The following MAPK10 variants were observed in gnomAD, a reference collection of about 807,000 sequenced individuals.
The protein encoded by MAPK10 is JNK3 alpha protein kinase.
In MAPK10, 25 loss-of-function variants were observed where a neutral mutation model predicts 59.3. That is an observed-to-expected ratio of 0.42 (90% CI 0.31 to 0.59). MAPK10 has a LOEUF of 0.59. MAPK10 is among the 20% of genes least tolerant of loss of function. The probability of loss-of-function intolerance (pLI) is 0.15; values close to 1 mark genes in which losing one functional copy is unlikely to be tolerated. For missense variants in MAPK10, 351 were observed against 568.9 expected, an observed-to-expected ratio of 0.62 and a Z score of 3.90; for synonymous variants, 190 against 200.5, an observed-to-expected ratio of 0.95 and a Z score of 0.44.
intron 1 of MAPK10, among the ~76,000 whole-genome samples, chr4:86,511,432 G>A (rs1756229164): frequency 6.6e-6 from 1 of 152,208 alleles, no homozygotes; most frequent in East Asian, 1.9e-4. Flanking sequence ...TGGGTGTGGT[G>A]GCACATTCCT....
intron 1 of MAPK10, among the ~76,000 whole-genome samples, chr4:86,379,855 T>TG (rs1374140257): frequency 6.6e-6 from 1 of 152,130 alleles, no homozygotes; most frequent in African/African-American, 2.4e-5. Context: ...CCTCTATATT[T>TG]TTGTGTGTGT....
intron 1 of MAPK10, among the ~76,000 whole-genome samples, chr4:86,505,406 C>A (rs1180750066): frequency 6.6e-6 from 1 of 151,918 alleles, no homozygotes; most frequent in African/African-American, 2.4e-5. Flanking sequence ...AGCCCAGGAG[C>A]TCAAGACCAA....
chr4:86,282,857 A>T (rs917158077), intron 2 of MAPK10, among the ~76,000 whole-genome samples: 2 of 152,158 alleles, frequency 1.3e-5, no homozygotes, highest in African/African-American at 4.8e-5. Context: ...GTCTAGGCAC[A>T]TGCTCCGTGA....
intron 2 of MAPK10, among the ~76,000 whole-genome samples, chr4:86,322,262 G>A (rs980516347): frequency 6.6e-6 from 1 of 152,132 alleles, no homozygotes; most frequent in Non-Finnish European, 1.5e-5. Flanking sequence ...GTTTGTCCTT[G>A]GCATTTCTTT....
rs1258596846 is a variant in MAPK10 at position 86,476,048 on chromosome 4, G to A, written c.-263+117862C>T. Among the ~76,000 whole-genome samples the A allele has an allele frequency of 3.9e-5, 6 of 152,174 alleles. No individual in the cohort carries two copies. The East Asian group carries it at 9.7e-4, about 25-fold the overall frequency. On this transcript the variant is annotated intron_variant, in intron 1 of 4. Transcript: ENST00000502302. ...AATTCTTATCATAAAATGGGCAAAC[G>A]GTCCGAGATGCCTGACGTCCAGGCA... is the stretch of plus-strand genomic sequence containing the variant.
rs1741948004 is a variant in MAPK10, at chr4:86,013,261, T to TTG, written c.*3966_*3967insCA. ...ATTTACATTGCAACTTTTTTGTTGTTTTTACAGAGAGGAGTTTCCTTGCTT... is the reference window on the plus strand; with the variant it reads ...ATTTACATTGCAACTTTTTTGTTGTTTGTTTACAGAGAGGAGTTTCCTTGCTT... On this transcript the variant is annotated 3_prime_UTR_variant, in exon 14 of 14. Transcript: ENST00000641462. 2 of 152,168 alleles carry TTG rather than the reference T, an allele frequency of 1.3e-5. No homozygotes were observed. The highest frequency in any genetic ancestry group is 1.3e-4 in the Admixed American group (2 of 15,282). 9.4% of individuals were successfully genotyped at this position (152,168 alleles called of 1,614,324 possible).
chr4:86,015,660 C>T lies in MAPK10; in HGVS notation c.*1568G>A, dbSNP rs1035280081. 2.0e-5 allele frequency: 3 copies of T among 152,158 alleles called. No individual in the cohort carries two copies. Among genetic ancestry groups the T allele is most frequent in the African/African-American group, 7.2e-5 (3 of 41,428 alleles). The allele number at this position is 152,158 out of a possible 1,614,324, so 9.4% of individuals were successfully genotyped here. A position where few individuals can be genotyped will look rare whatever the true frequency, so the allele number is the denominator to read the frequency against. ...TTTAAGCTAAATTCTGGAGATTTTGCTAAACATTGACATTAATGCTTCATG... is the reference window on the plus strand; with the variant it reads ...TTTAAGCTAAATTCTGGAGATTTTGTTAAACATTGACATTAATGCTTCATG... On this transcript the variant is annotated 3_prime_UTR_variant, in exon 14 of 14. Transcript: ENST00000641462.
chr4:86,489,591 C>T (rs572798841), intron 1 of MAPK10, among the ~76,000 whole-genome samples: 10 of 152,266 alleles, frequency 6.6e-5, no homozygotes, highest in South Asian at 2.1e-4. Flanking sequence ...GCATTCTAAC[C>T]GATACCAAAA....
chr4:86,159,637 G>C (rs943721819), intron 3 of MAPK10, among the ~76,000 whole-genome samples, 170 bp from the exon 4 acceptor site: 1 of 151,856 alleles, frequency 6.6e-6, no homozygotes, highest in Admixed American at 6.6e-5. Flanking sequence ...AGATTACCTC[G>C]AGTAAAAGAG....
At chr4:86,432,463 A>G (rs1273555058) in intron 1 of MAPK10, among the ~76,000 whole-genome samples, 1 of 152,048 alleles carries the variant, frequency 6.6e-6, no homozygotes, top group African/African-American at 2.4e-5. Flanking sequence ...TATTTTTGGT[A>G]GAGACTGGGT....
rs950343086 is a variant in MAPK10, at chr4:86,302,174, G to A, written c.-7+52356C>T. Among the ~76,000 whole-genome samples, 3 of 152,202 alleles carry A rather than the reference G, an allele frequency of 2.0e-5. No individual in the cohort carries two copies. The South Asian group carries it at 6.2e-4, about 31-fold the overall frequency. The stretch of plus-strand genomic sequence containing the variant: ...TTGATTCAATGATGACAGCTGTGCT[G>A]TCATTTCTTATTTAGGCCCAGCTGC... On this transcript the variant is annotated intron_variant, in intron 2 of 13. Transcript: ENST00000641462.
In MAPK10 at chr4:86,522,078, C is replaced by T. The variant is rs112537950; in HGVS notation, c.-263+71832G>A. 7.3e-3 allele frequency among the ~76,000 whole-genome samples: 1,112 copies of T among 152,332 alleles called. 18 individuals are homozygous for T. The highest frequency in any genetic ancestry group is 0.025 in the African/African-American group (1,027 of 41,560). Reference sequence around the variant, plus strand: ...TTCACCTGGGTCCCTAAATCCATTTCAGCTCTAGGTAAGGTTAACTCCTTT... The same window carrying T: ...TTCACCTGGGTCCCTAAATCCATTTTAGCTCTAGGTAAGGTTAACTCCTTT... On this transcript the variant is annotated intron_variant, in intron 1 of 4. Transcript: ENST00000502302.
At chr4:86,194,568 T>C (rs572221835) in intron 2 of MAPK10, among the ~76,000 whole-genome samples, 161 bp from the exon 3 acceptor site, 3 of 152,306 alleles carry the variant, frequency 2.0e-5, no homozygotes, top group East Asian at 1.9e-4. Context: ...TCACAAATTG[T>C]ATTTAATAAT....
intron 2 of MAPK10, among the ~76,000 whole-genome samples, chr4:86,233,489 C>G (rs1480468288): frequency 6.6e-6 from 1 of 152,150 alleles, no homozygotes; most frequent in Non-Finnish European, 1.5e-5. Flanking sequence ...GCATTAACCT[C>G]CCTCCCCCAA....
chr4:86,377,770 G>C (rs1740046462), intron 1 of MAPK10, among the ~76,000 whole-genome samples: 1 of 152,074 alleles, frequency 6.6e-6, no homozygotes, highest in South Asian at 2.1e-4. Context: ...TCTCTAGAGG[G>C]ACAGAACTAA....
At chr4:86,204,015 T>C (rs1330481902) in intron 2 of MAPK10, among the ~76,000 whole-genome samples, 1 of 151,878 alleles carries the variant, frequency 6.6e-6, no homozygotes, top group Admixed American at 6.6e-5. Context: ...ATAAATAAAA[T>C]TGTATCGGAA....
intron 1 of MAPK10, among the ~76,000 whole-genome samples, chr4:86,526,370 A>G (rs1009292919): frequency 2.6e-5 from 4 of 152,140 alleles, no homozygotes; most frequent in African/African-American, 9.7e-5. Flanking sequence ...AGGTGTTCAT[A>G]ATAGTCTCTG....
chr4:86,291,584 C>A (rs2095228986), intron 2 of MAPK10, among the ~76,000 whole-genome samples: 1 of 151,998 alleles, frequency 6.6e-6, no homozygotes, highest in Non-Finnish European at 1.5e-5. Context: ...CAAAATGAGA[C>A]ATGGCAGTAA....
At chr4:86,175,460 G>A (rs1454582145) in intron 3 of MAPK10, among the ~76,000 whole-genome samples, 1 of 152,100 alleles carries the variant, frequency 6.6e-6, no homozygotes, top group Non-Finnish European at 1.5e-5. Context: ...GTGGGGCCTG[G>A]TGGGAGATGA....
Sources: gnomAD v4.1 joint callset for allele counts (sites outside exome capture counted in the v4.1 genomes callset) on GRCh38, gnomAD v4.1.1 for gene constraint, MANE v1.5 for transcripts, NCBI Gene and HGNC (gene_info 2026-07-23, HGNC 2026-07-21) for gene names.